The following SLC11A2 variants were observed in gnomAD, a reference collection of about 807,000 sequenced individuals.
SLC11A2 encodes natural resistance-associated macrophage protein 2.
SLC11A2 carries 38 observed loss-of-function variants against 68.0 expected under a neutral mutation model. The ratio of observed to expected loss-of-function variants is 0.56; its 90% CI spans 0.43 to 0.73. The LOEUF (loss-of-function observed/expected upper bound fraction) is 0.73, where lower values mean the gene tolerates loss of function less well. SLC11A2 is among the 30% of genes least tolerant of loss of function. The pLI, the probability that SLC11A2 is intolerant of heterozygous loss-of-function variation, is 0.00. For missense variants in SLC11A2, 517 were observed against 690.5 expected, an observed-to-expected ratio of 0.75 and a Z score of 2.82; for synonymous variants, 242 against 250.6, an observed-to-expected ratio of 0.97 and a Z score of 0.32.
At chr12:50,953,410 G>C in the SLC11A2 span, among the ~76,000 whole-genome samples, 2 of 152,208 alleles carry the variant, frequency 1.3e-5, no homozygotes, top group Non-Finnish European at 2.9e-5. Flanking sequence ...GCTTTTGCAA[G>C]TTTCTTCATT....
At chr12:51,014,411 C>A (rs1157609329) in intron 1 of SLC11A2, among the ~76,000 whole-genome samples, 2 of 152,056 alleles carry the variant, frequency 1.3e-5, no homozygotes, top group African/African-American at 4.8e-5. Flanking sequence ...CATACAGAGC[C>A]GTTCAAATAC....
chr12:50,992,100 C>T (rs981074925), intron 13 of SLC11A2, 90 bp downstream of exon 13: 6 of 1,250,266 alleles, frequency 4.8e-6, no homozygotes, highest in Non-Finnish European at 7.0e-6. Flanking sequence ...CTCTCAATAT[C>T]CCCCCAGCAC....
chr12:50,987,430 C>G lies in SLC11A2; in HGVS notation c.*895G>C. 3.9e-6 allele frequency: 5 copies of G among 1,287,198 alleles called. No individual in the cohort carries two copies. The highest frequency in any genetic ancestry group is 5.1e-6 in the Non-Finnish European group (5 of 988,694). The allele number at this position is 1,287,198 out of a possible 1,614,324, so 79.7% of individuals were successfully genotyped here. A position where few individuals can be genotyped will look rare whatever the true frequency, so the allele number is the denominator to read the frequency against. ...ATAGATGGCTCTCCTCCCTTAAAGT[C>G]TTTTCTCCCCACCCTCAACATTTCA... On this transcript the variant is annotated 3_prime_UTR_variant, in exon 16 of 16. Transcript: ENST00000262052.
chr12:50,967,132 G>C, the SLC11A2 span, among the ~76,000 whole-genome samples: 1 of 150,796 alleles, frequency 6.6e-6, no homozygotes, highest in South Asian at 2.1e-4. Context: ...AAAAAAGAAA[G>C]AGAAATAGGG....
Position 51,000,432 on chromosome 12 carries a change from CAGT to C in SLC11A2, c.430-16_430-14del, listed in dbSNP as rs1942101669. The C allele has an allele frequency of 2.5e-6, 4 of 1,581,820 alleles. 1 individual carries two copies. In the Middle Eastern group the frequency reaches 6.7e-4, roughly 264 times the overall value. On this transcript the variant is annotated splice_polypyrimidine_tract_variant and intron_variant, in intron 5 of 15. Transcript: ENST00000262052. Reference sequence around the variant, plus strand: ...TGACTCGTGGGACCTAAACATCAAACAGTAGAAAGACACGGTTCTGATTAATCA... The same window carrying C: ...TGACTCGTGGGACCTAAACATCAAACAGAAAGACACGGTTCTGATTAATCA...
upstream of SLC11A2, among the ~76,000 whole-genome samples, chr12:51,027,242 G>C (rs538887633): frequency 4.5e-4 from 68 of 152,132 alleles, no homozygotes; most frequent in African/African-American, 1.6e-3. Context: ...CGGGGGCTGA[G>C]GTGGGAGAAT....
chr12:51,003,078 A>G (rs1942411107), intron 5 of SLC11A2, among the ~76,000 whole-genome samples: 1 of 151,866 alleles, frequency 6.6e-6, no homozygotes, highest in Non-Finnish European at 1.5e-5. Flanking sequence ...TCTACTAAAA[A>G]TACAAAAATT....
the SLC11A2 span, among the ~76,000 whole-genome samples, chr12:50,956,365 C>T: frequency 1.3e-5 from 2 of 152,062 alleles, no homozygotes; most frequent in Admixed American, 1.3e-4. Context: ...GCACTCCAGC[C>T]TGGGCAACAG....
intron 6 of SLC11A2, 95 bp from the exon 7 acceptor site, chr12:50,999,510 C>G: frequency 9.7e-7 from 1 of 1,028,652 alleles, no homozygotes; most frequent in Non-Finnish European, 1.5e-6. Flanking sequence ...ATAAAGAACA[C>G]TTGGAGAAGC....
At chr12:51,020,652 C>G (rs1943979523) in intron 1 of SLC11A2, among the ~76,000 whole-genome samples, 2 of 152,076 alleles carry the variant, frequency 1.3e-5, no homozygotes, top group African/African-American at 4.8e-5. Flanking sequence ...CCTCTGTAAC[C>G]CTGGGTTCCA....
chr12:51,028,758 G>A (rs952927367), upstream of SLC11A2, among the ~76,000 whole-genome samples: 1 of 152,178 alleles, frequency 6.6e-6, no homozygotes, highest in African/African-American at 2.4e-5. Context: ...CAGAACGTGG[G>A]TGGAAATGCT....
intron 1 of SLC11A2, among the ~76,000 whole-genome samples, chr12:51,023,264 T>C (rs960031826): frequency 7.2e-5 from 11 of 152,142 alleles, no homozygotes; most frequent in African/African-American, 2.4e-4. Context: ...CTGGGCAATA[T>C]AGTGAGAACT....
rs541441616 is a variant in SLC11A2 at position 51,017,439 on chromosome 12, C to CT, written c.-38-6674_-38-6673insA. 1.3e-4 allele frequency among the ~76,000 whole-genome samples: 20 copies of CT among 152,192 alleles called. No individual in the cohort carries two copies. In the South Asian group the frequency reaches 3.7e-3, roughly 28 times the overall value. ...AAAAAAGAGAAAACACACACGTACA[C>CT]GTACAATCTCCAAAGGACACACCAA... On this transcript the variant is annotated intron_variant, in intron 1 of 15. Coordinates refer to ENST00000262052, the MANE Select transcript of SLC11A2 (RefSeq NM_000617.3).
chr12:50,985,992 T>C lies in SLC11A2; in HGVS notation c.*2333A>G. 8.7e-7 allele frequency: 1 copy of C among 1,150,328 alleles called. No homozygotes were observed. The highest frequency in any genetic ancestry group is 1.1e-6 in the Non-Finnish European group (1 of 921,860). 71.3% of individuals were successfully genotyped at this position (1,150,328 alleles called of 1,614,324 possible). The stretch of plus-strand genomic sequence containing the variant: ...TTAAAAAAATACCCAGGAAACCAAA[T>C]TGGAAAAAGAAATTTTTTTTTAATT... On this transcript the variant is annotated 3_prime_UTR_variant, in exon 16 of 16. Transcript: ENST00000262052.
chr12:51,023,740 C>T (rs1214659494), intron 1 of SLC11A2, among the ~76,000 whole-genome samples: 3 of 152,128 alleles, frequency 2.0e-5, no homozygotes, highest in African/African-American at 7.2e-5. Flanking sequence ...AACTTTAAAT[C>T]CTAAAGAAGT....
At chr12:50,998,747 T>C (rs1457091807) in intron 8 of SLC11A2, among the ~76,000 whole-genome samples, 1 of 152,228 alleles carries the variant, frequency 6.6e-6, no homozygotes, top group Non-Finnish European at 1.5e-5. Flanking sequence ...GTATATTTCA[T>C]ATAATTCATT....
chr12:50,992,691 C>T (rs1941280132), intron 12 of SLC11A2, 119 bp downstream of exon 12: 1 of 1,064,356 alleles, frequency 9.4e-7, no homozygotes, highest in East Asian at 2.5e-5. Context: ...GAGATCATGC[C>T]ATTACACTCC....
chr12:50,992,128 C>T, intron 13 of SLC11A2, 62 bp downstream of exon 13: 1 of 1,555,680 alleles, frequency 6.4e-7, no homozygotes, highest in Admixed American at 1.7e-5. Context: ...GGCTTGGTAC[C>T]CAAGGGCAGT....
the SLC11A2 span, among the ~76,000 whole-genome samples, chr12:50,956,254 T>A: frequency 6.6e-6 from 1 of 152,026 alleles, no homozygotes; most frequent in African/African-American, 2.4e-5. Flanking sequence ...TAGCTGGGTG[T>A]GGTGGCAGGC....
Sources: gnomAD v4.1 joint callset for allele counts (sites outside exome capture counted in the v4.1 genomes callset) on GRCh38, gnomAD v4.1.1 for gene constraint, MANE v1.5 for transcripts, NCBI Gene and HGNC (gene_info 2026-07-23, HGNC 2026-07-21) for gene names.